GCKR: variants seen among roughly 807,000 people sequenced by gnomAD.
The protein encoded by GCKR is glucokinase regulatory protein.
Under a neutral mutation model 82.9 loss-of-function variants are expected in GCKR, and 73 were observed. The ratio of observed to expected loss-of-function variants is 0.88; its 90% CI spans 0.73 to 1.07. The LOEUF (loss-of-function observed/expected upper bound fraction) is 1.07, where lower values mean the gene tolerates loss of function less well. GCKR is among the 50% of genes least tolerant of loss of function. The pLI is 0.00. For synonymous variants in GCKR, 294 were observed against 291.8 expected, an observed-to-expected ratio of 1.01 and a Z score of -0.08; for missense variants, 784 against 782.1, an observed-to-expected ratio of 1.00 and a Z score of -0.03.
In GCKR at chr2:27,507,278, C is replaced by T. The variant is rs766167858; in HGVS notation, c.1110C>T (p.Asp370=). 5.0e-6 allele frequency: 8 copies of T among 1,612,656 alleles called. 1 individual carries two copies. The South Asian group carries it at 8.8e-5, about 18-fold the overall frequency. ...GCTTTCTCATTGGTGATCACAGTGA[C>T]ATGTTTAACCAGAAGGCTGAGCTCA... The part of the protein sequence containing the change: ...VRGFLIGDHS[D]MFNQKAELTN... The change falls in exon 13 of 19, where the codon GAC becomes GAT. Residue 370 remains aspartate (D), a synonymous_variant. Transcript: ENST00000264717.
At chr2:27,506,320 C>T (rs1669741029) in intron 10 of GCKR, among the ~76,000 whole-genome samples, 161 bp from the exon 11 acceptor site, 2 of 152,174 alleles carry the variant, frequency 1.3e-5, no homozygotes, top group South Asian at 4.1e-4. Context: ...GCCCTTGCTG[C>T]CCCTTCGGAA....
chr2:27,498,912 C>T, intron 5 of GCKR, 115 bp downstream of exon 5: 2 of 763,360 alleles, frequency 2.6e-6, no homozygotes, highest in South Asian at 2.9e-5. Flanking sequence ...CCTCACCATT[C>T]CTTATTCCCT....
rs565473888 is a variant in GCKR at position 27,513,483 on chromosome 2, G to A, written c.1422+5232G>A. ...GTAGAGGTTGCAGTGAGCTGAGATC[G>A]TGCCATTGCACTCCAGCCTGGGTGA... is the stretch of plus-strand genomic sequence containing the variant. On this transcript the variant is annotated intron_variant, in intron 16 of 18. Transcript: ENST00000264717. Among the ~76,000 whole-genome samples the A allele has an allele frequency of 2.3e-4, 35 of 149,878 alleles. 1 individual carries two copies. The South Asian group carries it at 4.6e-3, about 20-fold the overall frequency.
Position 27,497,519 on chromosome 2 carries a change from G to A in GCKR, c.217-43G>A, listed in dbSNP as rs368835619. On this transcript the variant is annotated intron_variant, in intron 2 of 18. Transcript: ENST00000264717. ...CCTGAGACCCCCTCCCCCATTCATC[G>A]TCCTCCTTTTCTTGGCTTCTCATTC... 20 of 1,571,450 alleles carry A rather than the reference G, an allele frequency of 1.3e-5. No individual in the cohort carries two copies. In the East Asian group the frequency reaches 1.3e-4, roughly 11 times the overall value.
intron 10 of GCKR, 125 bp from the exon 11 acceptor site, chr2:27,506,356 C>T: frequency 1.3e-6 from 1 of 748,846 alleles, no homozygotes; most frequent in African/African-American, 1.7e-5. Flanking sequence ...CTCTCTGCAC[C>T]TCTCCAGGGA....
At position 27,503,544 on chromosome 2, in the gene GCKR, A is replaced by C; in HGVS notation, c.675A>C (p.Thr225=). 6.2e-7 allele frequency: 1 copy of C among 1,608,506 alleles called. No homozygotes were observed. Among genetic ancestry groups the C allele is most frequent in the East Asian group, 2.2e-5 (1 of 44,856 alleles). The change falls in exon 9 of 19, where the codon ACA becomes ACC. Residue 225 remains threonine, a synonymous_variant. Coordinates refer to ENST00000264717, the MANE Select transcript of GCKR (RefSeq NM_001486.4). ...ACCCCATTGAAGACTGGAGTTCAACATTCCGACAAGTAGCAGAGCGGATGC... is the reference window on the plus strand; with the variant it reads ...ACCCCATTGAAGACTGGAGTTCAACCTTCCGACAAGTAGCAGAGCGGATGC... ...RNDPIEDWSS[T]FRQVAERMQK... is the part of the protein sequence containing the mutation.
At chr2:27,518,046 A>G (rs1000874233) in intron 16 of GCKR, among the ~76,000 whole-genome samples, 1 of 152,196 alleles carries the variant, frequency 6.6e-6, no homozygotes, top group Non-Finnish European at 1.5e-5. Context: ...TTTTTCAACA[A>G]ACATTTTTTT....
At chr2:27,500,492 C>T (rs1669548348) in intron 7 of GCKR, among the ~76,000 whole-genome samples, 1 of 152,210 alleles carries the variant, frequency 6.6e-6, no homozygotes, top group African/African-American at 2.4e-5. Flanking sequence ...GGTCTAAGGC[C>T]TCTTTTATGC....
chr2:27,505,665 C>A, intron 9 of GCKR, 53 bp from the exon 10 acceptor site: 1 of 943,572 alleles, frequency 1.1e-6, no homozygotes. Context: ...AACAAGTGGT[C>A]TACGGGGTCT....
chr2:27,522,047 A>G (rs1051712341), intron 17 of GCKR, among the ~76,000 whole-genome samples: 2 of 152,152 alleles, frequency 1.3e-5, no homozygotes, highest in Non-Finnish European at 2.9e-5. Context: ...CTACTGGACA[A>G]TGCTGAGCTA....
intron 9 of GCKR, 144 bp from the exon 10 acceptor site, chr2:27,505,574 C>T (rs965448106): frequency 2.5e-5 from 17 of 693,394 alleles, no homozygotes; most frequent in South Asian, 8.6e-5. Context: ...ATCTTCCTCT[C>T]GGTCAAGCCC....
In GCKR at chr2:27,500,914, C is replaced by T. The variant is rs113280215; in HGVS notation, c.550-221C>T. 3.3e-5 allele frequency among the ~76,000 whole-genome samples: 5 copies of T among 152,314 alleles called. No homozygotes were observed. In the South Asian group the frequency reaches 8.3e-4, roughly 25 times the overall value. The stretch of plus-strand genomic sequence containing the variant: ...TAGTTCAGTAGTATTCCAACTTTAC[C>T]GTGCAGAAGATTTCCTTGGAGAACT... On this transcript the variant is annotated intron_variant, in intron 7 of 18. Transcript: ENST00000264717.
intron 16 of GCKR, among the ~76,000 whole-genome samples, chr2:27,518,401 C>A (rs1013560859): frequency 2.0e-4 from 30 of 152,140 alleles, no homozygotes; most frequent in African/African-American, 6.3e-4. Flanking sequence ...AAAACTGGGG[C>A]CCTGGAGCAG....
chr2:27,497,129 T>C, intron 1 of GCKR, 115 bp from the exon 2 acceptor site: 1 of 1,270,362 alleles, frequency 7.9e-7, no homozygotes. Context: ...GTGTGGTATG[T>C]GTGTGCGTGT....
At chr2:27,507,436 G>T in intron 13 of GCKR, 125 bp downstream of exon 13, 1 of 777,570 alleles carries the variant, frequency 1.3e-6, no homozygotes, top group Non-Finnish European at 2.3e-6. Flanking sequence ...AGAGAATATG[G>T]GTCAGAAGTC....
At chr2:27,515,483 C>A (rs973486417) in intron 16 of GCKR, among the ~76,000 whole-genome samples, 2 of 151,674 alleles carry the variant, frequency 1.3e-5, no homozygotes, top group African/African-American at 4.8e-5. Context: ...ACCATGTTGG[C>A]CAGGCTGGTC....
At position 27,497,383 on chromosome 2, in the gene GCKR, C is replaced by T. The variant is rs1010328658; in HGVS notation, c.200C>T (p.Ala67Val). 2.5e-6 allele frequency: 4 copies of T among 1,613,840 alleles called. No homozygotes were observed. In the African/African-American group the frequency reaches 5.4e-5, roughly 22 times the overall value. The part of the protein sequence containing the change: ...DAEIFQEEGQ[A>V]LSTYQRLYSE... Reference sequence around the variant, plus strand: ...GAGATCTTCCAGGAGGAGGGGCAAGCCCTGTCCACATACCAGGTAACCAAG... The same window carrying T: ...GAGATCTTCCAGGAGGAGGGGCAAGTCCTGTCCACATACCAGGTAACCAAG... The change falls in exon 2 of 19, where the codon GCC becomes GTC. Residue 67 changes from alanine (A) to valine (V), a missense_variant. Physicochemically the swap from Ala to Val is moderately conservative, Grantham distance 64. Coordinates refer to ENST00000264717, the MANE Select transcript of GCKR (RefSeq NM_001486.4).
chr2:27,506,749 C>T (rs372180097), intron 11 of GCKR, 39 bp from the exon 12 acceptor site: 71 of 1,339,624 alleles, frequency 5.3e-5, no homozygotes, highest in African/African-American at 1.6e-4. Context: ...CCTCTTTGCA[C>T]GGTGATCTCT....
At chr2:27,521,065 A>G (rs1268461609) in intron 17 of GCKR, among the ~76,000 whole-genome samples, 5 of 152,168 alleles carry the variant, frequency 3.3e-5, no homozygotes, top group Middle Eastern at 3.4e-3. Flanking sequence ...TTAAAATTAA[A>G]AAAAGCCACA....
Sources: allele counts gnomAD v4.1 joint callset (sites outside exome capture counted in the v4.1 genomes callset), GRCh38; gene constraint gnomAD v4.1.1; transcripts MANE v1.5; gene names NCBI Gene and HGNC (gene_info 2026-07-23, HGNC 2026-07-21).